The following METTL16 variants were observed in gnomAD, a reference collection of about 807,000 sequenced individuals.
METTL16 encodes the protein methyltransferase 16, RNA N6-adenosine.
Under a neutral mutation model 57.9 loss-of-function variants are expected in METTL16, and 19 were observed. The observed-to-expected ratio is 0.33, with a 90% CI of 0.23 to 0.48. METTL16 has a LOEUF of 0.48. Ranked by LOEUF, METTL16 falls within the 20% of genes least tolerant of loss-of-function variation. The pLI is 0.99. For synonymous variants in METTL16, 246 were observed against 255.6 expected, an observed-to-expected ratio of 0.96 and a Z score of 0.36; for missense variants, 434 against 691.5, an observed-to-expected ratio of 0.63 and a Z score of 4.18.
chr17:2,426,406 TC>T (rs2041389386), intron 8 of METTL16, among the ~76,000 whole-genome samples: 2 of 152,016 alleles, frequency 1.3e-5, no homozygotes, highest in African/African-American at 4.8e-5. Flanking sequence ...TGTCCTGAAA[TC>T]ACCCCCAGGA....
intron 8 of METTL16, among the ~76,000 whole-genome samples, chr17:2,427,105 C>T (rs967370848): frequency 6.6e-6 from 1 of 152,148 alleles, no homozygotes; most frequent in African/African-American, 2.4e-5. Context: ...GACATCGTGC[C>T]ACAGCACTCC....
intron 2 of METTL16, among the ~76,000 whole-genome samples, chr17:2,498,815 G>GA (rs2067465689): frequency 6.6e-6 from 1 of 151,488 alleles, no homozygotes; most frequent in Non-Finnish European, 1.5e-5. Context: ...ACGCCCTTAA[G>GA]AAAAATTTCA....
At chr17:2,492,928 A>C (rs964701206) in intron 2 of METTL16, among the ~76,000 whole-genome samples, 7 of 150,884 alleles carry the variant, frequency 4.6e-5, no homozygotes, top group African/African-American at 1.7e-4. Context: ...AACAAAAAAA[A>C]CACAGCTGGA....
chr17:2,510,798 G>A (rs2067581778), intron 1 of METTL16, among the ~76,000 whole-genome samples: 3 of 152,162 alleles, frequency 2.0e-5, no homozygotes, highest in Admixed American at 2.0e-4. Context: ...AAGCAGCTGG[G>A]ACTACAGGTA....
At chr17:2,495,279 C>T (rs2067434720) in intron 2 of METTL16, among the ~76,000 whole-genome samples, 1 of 151,724 alleles carries the variant, frequency 6.6e-6, no homozygotes, top group Admixed American at 6.6e-5. Flanking sequence ...TACTGTGAGC[C>T]ACAATTATAC....
In METTL16 at chr17:2,419,535, A is replaced by G. The variant is rs2151681545; in HGVS notation, c.*435T>C. 1 of 449,102 alleles carries G rather than the reference A, an allele frequency of 2.2e-6. No homozygotes were observed. The highest frequency in any genetic ancestry group is 4.5e-6 in the Non-Finnish European group (1 of 224,182). The allele number at this position is 449,102 out of a possible 1,614,324, so 27.8% of individuals were successfully genotyped here. A position where few individuals can be genotyped will look rare whatever the true frequency, so the allele number is the denominator to read the frequency against. On this transcript the variant is annotated 3_prime_UTR_variant, in exon 10 of 10. Coordinates refer to ENST00000263092, the MANE Select transcript of METTL16 (RefSeq NM_024086.4). ...CTTGAAGAGTGACCTAGAACAGGGT[A>G]CCAGGGCCTCCAGCTGGAGGCAGAG...
Position 2,438,097 on chromosome 17 carries a change from G to A in METTL16, c.888+12C>T. ...CTGGCAGGTGGTGAAGCGGAGCAAG[G>A]TCTGTACTTACTGGTACTGTGACAT... On this transcript the variant is annotated intron_variant, in intron 8 of 9. Coordinates refer to ENST00000263092, the MANE Select transcript of METTL16 (RefSeq NM_024086.4). The A allele has an allele frequency of 6.3e-7, 1 of 1,598,762 alleles. No individual in the cohort carries two copies. Among genetic ancestry groups the A allele is most frequent in the Non-Finnish European group, 8.6e-7 (1 of 1,166,282 alleles).
intron 1 of METTL16, among the ~76,000 whole-genome samples, chr17:2,503,736 A>C (rs1316792683): frequency 2.0e-5 from 3 of 151,820 alleles, no homozygotes; most frequent in African/African-American, 2.4e-5. Flanking sequence ...AAATATGGAT[A>C]AACAAAATAC....
At chr17:2,467,119 T>G (rs1011449796) in intron 5 of METTL16, among the ~76,000 whole-genome samples, 6 of 152,104 alleles carry the variant, frequency 3.9e-5, no homozygotes, top group Non-Finnish European at 7.4e-5. Flanking sequence ...ATGCTTTCAA[T>G]GCATGGCTGG....
intron 2 of METTL16, among the ~76,000 whole-genome samples, chr17:2,480,676 G>T (rs1050571707): frequency 6.6e-6 from 1 of 152,176 alleles, no homozygotes; most frequent in South Asian, 2.1e-4. Flanking sequence ...AAACAAATCA[G>T]AAGTACACTA....
intron 2 of METTL16, among the ~76,000 whole-genome samples, chr17:2,489,338 C>T (rs2067366668): frequency 6.6e-6 from 1 of 151,988 alleles, no homozygotes; most frequent in Admixed American, 6.6e-5. Flanking sequence ...CACCTCTTTG[C>T]CCTTTCCAGG....
At position 2,480,151 on chromosome 17, in the gene METTL16, A is replaced by G. The variant is rs374008049; in HGVS notation, c.129-2266T>C. On this transcript the variant is annotated intron_variant, in intron 2 of 9. Coordinates refer to ENST00000263092, the MANE Select transcript of METTL16 (RefSeq NM_024086.4). Reference sequence around the variant, plus strand: ...CAGTGAGCCGAGACTGTGCCACTGCACTTCAGCCTAGGTGACAGAGAGAGA... The same window carrying G: ...CAGTGAGCCGAGACTGTGCCACTGCGCTTCAGCCTAGGTGACAGAGAGAGA... Among the ~76,000 whole-genome samples, 231 of 150,746 alleles carry G rather than the reference A, an allele frequency of 1.5e-3. 1 individual carries two copies. Among genetic ancestry groups the G allele is most frequent in the African/African-American group, 5.5e-3 (224 of 40,964 alleles).
At chr17:2,498,224 C>G (rs1341006758) in intron 2 of METTL16, among the ~76,000 whole-genome samples, 1 of 145,744 alleles carries the variant, frequency 6.9e-6, no homozygotes, top group East Asian at 2.0e-4. Context: ...CCATCCTGCC[C>G]ATCATAGTGA....
At chr17:2,431,433 ATTCTTGTACAATG>A (rs1367652630) in intron 8 of METTL16, among the ~76,000 whole-genome samples, 1 of 152,180 alleles carries the variant, frequency 6.6e-6, no homozygotes, top group African/African-American at 2.4e-5. Flanking sequence ...TGCTGTGAAC[ATTCTTGTACAATG>A]TTTGTGATAC....
intron 8 of METTL16, chr17:2,424,213 A>G (rs1399922637): frequency 6.7e-6 from 1 of 149,344 alleles, no homozygotes; most frequent in African/African-American, 2.5e-5. Context: ...TCCCGGGTTC[A>G]CGCCATTCTC....
At chr17:2,500,219 G>C (rs192085991) in intron 2 of METTL16, among the ~76,000 whole-genome samples, 2 of 152,284 alleles carry the variant, frequency 1.3e-5, no homozygotes, top group African/African-American at 2.4e-5. Context: ...AGAGGGCTTA[G>C]AGTAAAGAAG....
intron 2 of METTL16, among the ~76,000 whole-genome samples, chr17:2,486,935 T>G (rs1238376833): frequency 8.3e-6 from 1 of 120,640 alleles, no homozygotes; most frequent in African/African-American, 3.2e-5. Context: ...GCCTGGGAGG[T>G]GGAGGCTGCA....
At chr17:2,451,837 C>T (rs560754857) in intron 6 of METTL16, among the ~76,000 whole-genome samples, 7 of 151,952 alleles carry the variant, frequency 4.6e-5, no homozygotes, top group African/African-American at 9.7e-5. Context: ...AGCCAAGAAG[C>T]GGCACAGAAC....
chr17:2,470,526 A>T (rs2067228505), intron 4 of METTL16, among the ~76,000 whole-genome samples: 2 of 152,198 alleles, frequency 1.3e-5, no homozygotes, highest in South Asian at 2.1e-4. Context: ...AATAAATTTT[A>T]GGTTGGGGGC....
Sources: gnomAD v4.1 joint callset for allele counts (sites outside exome capture counted in the v4.1 genomes callset) on GRCh38, gnomAD v4.1.1 for gene constraint, MANE v1.5 for transcripts, NCBI Gene and HGNC (gene_info 2026-07-23, HGNC 2026-07-21) for gene names.